TARS1: variants seen among roughly 807,000 people sequenced by gnomAD.
The protein encoded by TARS1 is threonine--tRNA ligase 1, cytoplasmic.
In TARS1, 57 loss-of-function variants were observed where a neutral mutation model predicts 97.7. The ratio of observed to expected loss-of-function variants is 0.58; its 90% CI spans 0.47 to 0.73. The LOEUF (loss-of-function observed/expected upper bound fraction) is 0.73, where lower values mean the gene tolerates loss of function less well. Among genes scored for constraint, TARS1 ranks in the 30% least tolerant of loss-of-function variants. The pLI is 0.00. For synonymous variants in TARS1, 312 were observed against 293.7 expected (o/e 1.06, Z -0.64); for missense variants, 806 against 888.3 (o/e 0.91, Z 1.18).
In TARS1 at chr5:33,461,140, T is replaced by C. The variant is rs1449673246; in HGVS notation, c.1414-18T>C. 6.2e-7 allele frequency: 1 copy of C among 1,602,648 alleles called. No individual in the cohort carries two copies. Among genetic ancestry groups the C allele is most frequent in the Non-Finnish European group, 8.5e-7 (1 of 1,174,980 alleles). On this transcript the variant is annotated intron_variant, in intron 12 of 18. Transcript: ENST00000265112. Reference sequence around the variant, plus strand: ...AGGAAAATAACTACTGTTTCTTTTTTTGTTTTTTAATTTGAAGATTGAAGA... The same window carrying C: ...AGGAAAATAACTACTGTTTCTTTTTCTGTTTTTTAATTTGAAGATTGAAGA...
chr5:33,448,819 A>G (rs1301374681), intron 3 of TARS1, 88 bp downstream of exon 3: 3 of 1,087,936 alleles, frequency 2.8e-6, no homozygotes, highest in Middle Eastern at 2.2e-4. Context: ...TTCTTATAAT[A>G]TTTTTATGTT....
rs533999104 is a variant in TARS1, at chr5:33,447,896, T to C, written c.139-645T>C. ...GATTATAGAGTGACAGTAGAAGAAG[T>C]CAGCTCTCTGATTGCTGTCTCTTTT... On this transcript the variant is annotated intron_variant, in intron 2 of 18. Transcript: ENST00000265112. 4.6e-5 allele frequency among the ~76,000 whole-genome samples: 7 copies of C among 152,344 alleles called. No individual in the cohort carries two copies. In the East Asian group the frequency reaches 1.4e-3, roughly 29 times the overall value.
intron 3 of TARS1, chr5:33,452,506 T>C (rs1010988666): frequency 3.6e-5 from 44 of 1,211,284 alleles, no homozygotes; most frequent in Non-Finnish European, 5.0e-5. Context: ...TCCTCAGAAC[T>C]CCTGTAGCTT....
At chr5:33,453,438 A>C (rs375341932) in intron 4 of TARS1, 26 bp downstream of exon 4, 442 of 1,611,720 alleles carry the variant, frequency 2.7e-4, no homozygotes, top group Non-Finnish European at 3.6e-4. Flanking sequence ...GTATTCATTG[A>C]ATTTTAGGAT....
chr5:33,446,547 A>G (rs2111932065), intron 2 of TARS1: 2 of 506,198 alleles, frequency 4.0e-6, no homozygotes, highest in Admixed American at 4.7e-5. Flanking sequence ...ATGTTTAACG[A>G]TTGGTCTGGA....
intron 3 of TARS1, among the ~76,000 whole-genome samples, chr5:33,449,445 CT>C (rs57691465): frequency 0.018 from 1,251 of 69,176 alleles, 10 homozygotes; most frequent in African/African-American, 0.055. Flanking sequence ...TTTTTTCTTT[CT>C]TTTTTTTTTT....
chr5:33,449,657 G>A (rs1035291282), intron 3 of TARS1, among the ~76,000 whole-genome samples: 35 of 151,744 alleles, frequency 2.3e-4, no homozygotes, highest in African/African-American at 6.8e-4. Context: ...GGGTTTCACC[G>A]TGCTAGCCAG....
upstream of TARS1, chr5:33,440,826 C>G: frequency 1.8e-6 from 1 of 552,182 alleles, no homozygotes; most frequent in Non-Finnish European, 3.2e-6. Flanking sequence ...TCCTCACCCT[C>G]CGCGACCTGA....
At chr5:33,442,432 T>C (rs1741156600) in intron 1 of TARS1, among the ~76,000 whole-genome samples, 1 of 149,610 alleles carries the variant, frequency 6.7e-6, no homozygotes, top group Non-Finnish European at 1.5e-5. Flanking sequence ...GGTTAACACA[T>C]ATGTAATTTT....
At position 33,466,999 on chromosome 5, in the gene TARS1, C is replaced by T. The variant is rs1742558035; in HGVS notation, c.2023+14C>T. ...ACTTCATTTTAGGTAAGAATGGAAA[C>T]TTACCAAAGAAAATTTGCCACACCT... On this transcript the variant is annotated intron_variant, in intron 18 of 18. Transcript: ENST00000265112. 4 of 1,516,734 alleles carry T rather than the reference C, an allele frequency of 2.6e-6. No individual in the cohort carries two copies. Among genetic ancestry groups the T allele is most frequent in the Non-Finnish European group, 3.5e-6 (4 of 1,128,506 alleles). The allele number at this position is 1,516,734 out of a possible 1,614,324, so 94.0% of individuals were successfully genotyped here.
chr5:33,445,463 T>G, intron 2 of TARS1, 59 bp downstream of exon 2: 1 of 1,426,718 alleles, frequency 7.0e-7, no homozygotes, highest in East Asian at 2.3e-5. Flanking sequence ...GCAGGGAACT[T>G]TCTGAGACTT....
rs1245237952 is a variant in TARS1, at chr5:33,455,666, CTG to C, written c.656_657del (p.Leu219ArgfsTer3). 6.2e-7 allele frequency: 1 copy of C among 1,612,526 alleles called. No homozygotes were observed. The highest frequency in any genetic ancestry group is 2.2e-5 in the East Asian group (1 of 44,844). ...TAAAGAAAAACAAGCTTTTGAAAGA[CTG>C]GAAGTTAAGAAAGAAACTTTACTGG... Reference protein sequence around the residue: ...IIKEKQAFERLEVKKETLLAM... With the variant: ...IIKEKQAFERXEVKKETLLAM... On this transcript the variant is annotated frameshift_variant, in exon 6 of 19. Transcript: ENST00000265112. LOFTEE classifies it high-confidence loss of function.
rs1001626987 is a variant in TARS1, at chr5:33,467,925, T to C, written c.*217T>C. On this transcript the variant is annotated 3_prime_UTR_variant, in exon 19 of 19. Transcript: ENST00000265112. ...TAAAAGAGAGCCAATAAAATGATTT[T>C]ACTCATTCAGTATCTGAGTACTGGA... 4.3e-6 allele frequency: 2 copies of C among 463,284 alleles called. No individual in the cohort carries two copies. Among genetic ancestry groups the C allele is most frequent in the Admixed American group, 4.1e-5 (1 of 24,532 alleles). The allele number at this position is 463,284 out of a possible 1,614,324, so 28.7% of individuals were successfully genotyped here.
At chr5:33,461,429 A>G (rs1444212152) in intron 13 of TARS1, 134 bp downstream of exon 13, 3 of 1,302,662 alleles carry the variant, frequency 2.3e-6, no homozygotes, top group Non-Finnish European at 2.1e-6. Context: ...TGTGTAAGCT[A>G]GTTTTTTTCT....
intron 3 of TARS1, among the ~76,000 whole-genome samples, chr5:33,451,525 C>T (rs1741734048): frequency 6.6e-6 from 1 of 152,126 alleles, no homozygotes; most frequent in Non-Finnish European, 1.5e-5. Flanking sequence ...CAGGCGCCCG[C>T]CACCACGCCT....
At position 33,441,129 on chromosome 5, in the gene TARS1, G is replaced by A. The variant is rs200273270; in HGVS notation, c.43G>A (p.Gly15Ser). 45 of 1,614,238 alleles carry A rather than the reference G, an allele frequency of 2.8e-5. 1 individual carries two copies. In the East Asian group the frequency reaches 1.0e-3, roughly 36 times the overall value. ...CAGCAGTCCTTCAGGGAAGATGGGA[G>A]GCGAGGAGAAGCCGGTGAGCAAACT... ...KASSPSGKMGGEEKPIGAGEE... is the reference protein window; with the variant it reads ...KASSPSGKMGSEEKPIGAGEE... The change falls in exon 1 of 19, where the codon GGC becomes AGC. Residue 15 changes from glycine (G) to serine (S), a missense_variant. Gly to Ser is a moderately conservative substitution (Grantham distance 56, BLOSUM62 0). Around this residue, in one of 3 missense-constraint regions of TARS1, gnomAD observed 356 missense variants for 357.8 expected, o/e 0.99. Coordinates refer to ENST00000265112, the MANE Select transcript of TARS1 (RefSeq NM_152295.5).
At chr5:33,446,676 G>A in intron 2 of TARS1, 1 of 1,289,346 alleles carries the variant, frequency 7.8e-7, no homozygotes, top group Non-Finnish European at 1.0e-6. Context: ...CTGAATGAAT[G>A]TTGAAGAGAT....
At chr5:33,464,114 C>T (rs1009101694) in intron 17 of TARS1, among the ~76,000 whole-genome samples, 2 of 152,154 alleles carry the variant, frequency 1.3e-5, no homozygotes, top group African/African-American at 2.4e-5. Context: ...TGCAGTAGTA[C>T]AGTCATGGCT....
At chr5:33,463,070 A>G (rs1742369344) in intron 16 of TARS1, among the ~76,000 whole-genome samples, 1 of 152,242 alleles carries the variant, frequency 6.6e-6, no homozygotes, top group African/African-American at 2.4e-5. Flanking sequence ...AACCTGTTTT[A>G]GGTGGGGAAA....
Sources: allele counts gnomAD v4.1 joint callset (sites outside exome capture counted in the v4.1 genomes callset), GRCh38; gene constraint gnomAD v4.1.1; regional missense constraint gnomAD v4.1.1; transcripts MANE v1.5; gene names NCBI Gene and HGNC (gene_info 2026-07-23, HGNC 2026-07-21).